Variants in RIF1 observed in about 807,000 individuals in gnomAD.
The protein encoded by RIF1 is replication timing regulatory factor 1, also known as telomere-associated protein RIF1.
In RIF1, 45 loss-of-function variants were observed where a neutral mutation model predicts 247.1. The ratio of observed to expected loss-of-function variants is 0.18; its 90% confidence interval spans 0.14 to 0.23. The LOEUF (loss-of-function observed/expected upper bound fraction) is 0.23. RIF1 is among the 10% of genes least tolerant of loss of function. The pLI is 1.00. For synonymous variants in RIF1, 1,087 were observed against 978.8 expected (o/e 1.11, Z -2.06); for missense variants, 2,967 against 2,862.5 (o/e 1.04, Z -0.83).
intron 9 of RIF1, chr2:151,492,933 C>T (rs1337538846): frequency 2.7e-5 from 5 of 184,360 alleles, no homozygotes; most frequent in East Asian, 3.1e-4. Flanking sequence ...GTCCTCCAGA[C>T]ACTAAAACCC....
Position 151,455,017 on chromosome 2 carries a change from C to G in RIF1, c.2467C>G (p.His823Asp), listed in dbSNP as rs565186903. 20 of 1,613,934 alleles carry G rather than the reference C, an allele frequency of 1.2e-5. No individual in the cohort carries two copies. The African/African-American group carries it at 1.7e-4, about 14-fold the overall frequency. The change falls in exon 22 of 36, where the codon CAT becomes GAT. Residue 823 changes from histidine to aspartate, a missense_variant. This residue lies in a region of RIF1 where 2,028 missense variants were observed against 1,825.6 expected (regional missense o/e 1.11). Coordinates refer to ENST00000444746, the MANE Select transcript of RIF1 (RefSeq NM_018151.5). ...CCACACACTGAGCTTCAAGGAAGCA[C>G]ATTCTGATACCCTCTTCACTATTGG... ...SFHTLSFKEA[H>D]SDTLFTIGNS...
intron 3 of RIF1, among the ~76,000 whole-genome samples, chr2:151,413,134 C>T (rs1686574733): frequency 6.6e-6 from 1 of 151,614 alleles, no homozygotes; most frequent in African/African-American, 2.4e-5. Flanking sequence ...TCAAGCCGTT[C>T]TCCTGCCTCA....
downstream of RIF1, chr2:151,512,874 C>T (rs1033157826): frequency 7.2e-7 from 1 of 1,387,112 alleles, no homozygotes; most frequent in Non-Finnish European, 1.0e-6. Flanking sequence ...TAAATGTTTG[C>T]AATGTGCACA....
chr2:151,447,821 G>A (rs930237190), intron 20 of RIF1, among the ~76,000 whole-genome samples: 4 of 152,116 alleles, frequency 2.6e-5, no homozygotes, highest in Non-Finnish European at 4.4e-5. Flanking sequence ...GATTACAGGC[G>A]TGAGCCATTG....
intron 10 of RIF1, chr2:151,498,004 A>G: frequency 7.0e-7 from 1 of 1,433,600 alleles, no homozygotes; most frequent in Non-Finnish European, 9.1e-7. Context: ...AGGATTTGAG[A>G]CTGTTAGAAC....
chr2:151,421,854 G>T (rs1163760006), intron 7 of RIF1, among the ~76,000 whole-genome samples: 7 of 144,252 alleles, frequency 4.9e-5, no homozygotes, highest in Non-Finnish European at 1.1e-4. Flanking sequence ...TTTTTTTTTC[G>T]AGACAGTTTC....
the RIF1 span, chr2:151,514,996 G>A: frequency 6.1e-5 from 61 of 998,012 alleles, 1 homozygote; most frequent in East Asian, 8.9e-4. Context: ...CTCCATCTCA[G>A]GAAGAAAAAA....
intron 11 of RIF1, 26 bp from the exon 12 acceptor site, chr2:151,436,801 T>G: frequency 4.6e-6 from 7 of 1,523,348 alleles, no homozygotes; most frequent in Non-Finnish European, 5.3e-6. Flanking sequence ...TTGTATGACT[T>G]AACTCTTTTT....
chr2:151,497,917 T>C, intron 10 of RIF1: 3 of 1,470,536 alleles, frequency 2.0e-6, no homozygotes, highest in Non-Finnish European at 2.7e-6. Flanking sequence ...CTTCAGCTGC[T>C]GAGGAAGGGC....
chr2:151,498,693 G>GAAGT (rs1308758059), intron 10 of RIF1, among the ~76,000 whole-genome samples: 1 of 152,092 alleles, frequency 6.6e-6, no homozygotes, highest in African/African-American at 2.4e-5. Context: ...AGAAACCAAG[G>GAAGT]AAGTTACTTT....
downstream of RIF1, chr2:151,512,635 A>C (rs1280855345): frequency 1.1e-6 from 1 of 920,508 alleles, no homozygotes; most frequent in Non-Finnish European, 1.7e-6. Flanking sequence ...TATTGGGAAA[A>C]ACTGATCTGA....
downstream of RIF1, among the ~76,000 whole-genome samples, chr2:151,508,853 G>A (rs1239689132): frequency 1.3e-5 from 2 of 152,234 alleles, no homozygotes; most frequent in Admixed American, 6.5e-5. Flanking sequence ...TGCTCTTCCA[G>A]ACACCAGTGG....
rs1559012836 is a variant in RIF1 at position 151,463,200 on chromosome 2, T to C, written c.3680T>C (p.Phe1227Ser). 1 of 1,614,158 alleles carries C rather than the reference T, an allele frequency of 6.2e-7. No individual in the cohort carries two copies. Among genetic ancestry groups the C allele is most frequent in the Non-Finnish European group, 8.5e-7 (1 of 1,180,012 alleles). Reference sequence around the variant, plus strand: ...CAAACCTTTATTACTTTGGAGAAGTTTGATGGTTCAGAAAATAGACCTTTT... The same window carrying C: ...CAAACCTTTATTACTTTGGAGAAGTCTGATGGTTCAGAAAATAGACCTTTT... Reference protein sequence around the residue: ...RRQTFITLEKFDGSENRPFSP... With the variant: ...RRQTFITLEKSDGSENRPFSP... The change falls in exon 30 of 36, where the codon TTT becomes TCT. Residue 1227 changes from phenylalanine to serine, a missense_variant. This residue lies in a region of RIF1 where 2,028 missense variants were observed against 1,825.6 expected (regional missense o/e 1.11). Transcript: ENST00000444746.
At chr2:151,437,409 G>A in intron 13 of RIF1, 58 bp downstream of exon 13, 2 of 1,357,292 alleles carry the variant, frequency 1.5e-6, no homozygotes, top group Non-Finnish European at 2.1e-6. Context: ...AGAAAAAATA[G>A]GCCAGTCACA....
the RIF1 span, chr2:151,534,156 C>T: frequency 8.1e-7 from 1 of 1,235,146 alleles, no homozygotes; most frequent in Non-Finnish European, 1.2e-6. Context: ...GGGATGACAT[C>T]TCATGAGAAA....
At chr2:151,471,507 T>C (rs562535078) in intron 34 of RIF1, among the ~76,000 whole-genome samples, 1 of 152,336 alleles carries the variant, frequency 6.6e-6, no homozygotes, top group East Asian at 1.9e-4. Context: ...TTTTAGGTCT[T>C]ACAGTTAAAT....
At chr2:151,434,437 A>ATTT (rs754795986) in intron 10 of RIF1, among the ~76,000 whole-genome samples, 3,021 of 106,964 alleles carry the variant, frequency 0.028, 120 homozygotes, top group Non-Finnish European at 0.037. Flanking sequence ...TGGTTTTTGA[A>ATTT]TTTTTTTTTT....
chr2:151,410,448 C>T lies in RIF1; in HGVS notation c.25C>T (p.Leu9Phe), dbSNP rs572659964. ...CATGACGGCCAGGGGTCAGAGCCCCCTCGCGCCGCTGTTGGAGACTTTGGA... is the reference window on the plus strand; with the variant it reads ...CATGACGGCCAGGGGTCAGAGCCCCTTCGCGCCGCTGTTGGAGACTTTGGA... MTARGQSP[L>F]APLLETLEDP... Residue 9 changes from leucine to phenylalanine, a missense_variant, in exon 2 of 36, where the codon CTC becomes TTC. By Grantham distance (22) the Leu-to-Phe change is conservative (BLOSUM62 0). Coordinates refer to ENST00000444746, the MANE Select transcript of RIF1 (RefSeq NM_018151.5). The T allele has an allele frequency of 1.2e-5, 20 of 1,614,016 alleles. No individual in the cohort carries two copies. In the East Asian group the frequency reaches 2.2e-4, roughly 18 times the overall value.
the RIF1 span, among the ~76,000 whole-genome samples, chr2:151,519,390 G>A: frequency 6.6e-6 from 1 of 152,300 alleles, no homozygotes; most frequent in East Asian, 1.9e-4. Flanking sequence ...GACAGATACT[G>A]TTTGATTCCA....
Sources: allele counts gnomAD v4.1 joint callset (sites outside exome capture counted in the v4.1 genomes callset), GRCh38; gene constraint gnomAD v4.1.1; regional missense constraint gnomAD v4.1.1; transcripts MANE v1.5; gene names NCBI Gene and HGNC (gene_info 2026-07-23, HGNC 2026-07-21).